RHOBTB3: variants seen among roughly 807,000 people sequenced by gnomAD.
RHOBTB3 encodes rho-related BTB domain-containing protein 3.
RHOBTB3 carries 47 observed loss-of-function variants against 67.2 expected under a neutral mutation model. That is an observed-to-expected ratio of 0.70 (90% confidence interval 0.55 to 0.89). The LOEUF (loss-of-function observed/expected upper bound fraction) is 0.89. Among genes scored for constraint, RHOBTB3 ranks in the 40% least tolerant of loss-of-function variants. The probability of loss-of-function intolerance (pLI) is 0.00; values close to 1 mark genes in which losing one functional copy is unlikely to be tolerated. For synonymous variants in RHOBTB3, 273 were observed against 274.2 expected, an observed-to-expected ratio of 1.00 and a Z score of 0.04; for missense variants, 631 against 750.0, an observed-to-expected ratio of 0.84 and a Z score of 1.85.
rs189278068 is a variant in RHOBTB3 at position 95,743,295 on chromosome 5, T to A, written c.416-5038T>A. ...TTTCCTTGTTGGATTGATGCCTTCC[T>A]CTTTCTCTGCCCAGCTGCTGTCTGG... is the stretch of plus-strand genomic sequence containing the variant. On this transcript the variant is annotated intron_variant, in intron 3 of 11. Coordinates refer to ENST00000379982, the MANE Select transcript of RHOBTB3 (RefSeq NM_014899.4). Among the ~76,000 whole-genome samples the A allele has an allele frequency of 1.5e-3, 234 of 152,278 alleles. 1 individual carries two copies. Among genetic ancestry groups the A allele is most frequent in the African/African-American group, 5.2e-3 (215 of 41,556 alleles).
intron 8 of RHOBTB3, among the ~76,000 whole-genome samples, chr5:95,772,968 G>T (rs1410206734): frequency 6.6e-6 from 1 of 152,138 alleles, no homozygotes. Flanking sequence ...TAATGAATTA[G>T]GGGTTGTCTC....
chr5:95,791,721 T>G (rs1746399571), intron 11 of RHOBTB3, among the ~76,000 whole-genome samples: 1 of 152,116 alleles, frequency 6.6e-6, no homozygotes. Context: ...TTCTTTTTTT[T>G]TTTTAGTAGA....
At chr5:95,733,145 G>A (rs1020585743) in intron 2 of RHOBTB3, among the ~76,000 whole-genome samples, 4 of 152,146 alleles carry the variant, frequency 2.6e-5, no homozygotes, top group Non-Finnish European at 5.9e-5. Flanking sequence ...TCACTCGCTC[G>A]TGTAAGTTTT....
In RHOBTB3 at chr5:95,788,778, G is replaced by A; in HGVS notation, c.1640G>A (p.Cys547Tyr). 1 of 1,588,854 alleles carries A rather than the reference G, an allele frequency of 6.3e-7. No individual in the cohort carries two copies. Among genetic ancestry groups the A allele is most frequent in the Non-Finnish European group, 8.5e-7 (1 of 1,170,226 alleles). Residue 547 changes from cysteine (C) to tyrosine (Y), a missense_variant, in exon 11 of 12, where the codon TGC (cysteine) becomes TAC (tyrosine). Coordinates refer to ENST00000379982, the MANE Select transcript of RHOBTB3 (RefSeq NM_014899.4). ...LKKAKFHHSDCLSTWLLHFIA... is the reference protein window; with the variant it reads ...LKKAKFHHSDYLSTWLLHFIA... ...TTCTTGCAGTTTCACCACTCTGATT[G>A]CCTTTCAACCTGGCTACTTCATTTC...
At chr5:95,785,046 A>G (rs1746181244) in intron 10 of RHOBTB3, among the ~76,000 whole-genome samples, 1 of 152,246 alleles carries the variant, frequency 6.6e-6, no homozygotes, top group South Asian at 2.1e-4. Flanking sequence ...TTACAAAAGC[A>G]TGACAACTTT....
intron 9 of RHOBTB3, among the ~76,000 whole-genome samples, chr5:95,783,158 A>C (rs756025120): frequency 3.3e-5 from 5 of 150,740 alleles, no homozygotes; most frequent in Non-Finnish European, 5.9e-5. Context: ...GTATTGCTCT[A>C]TTGCCCAGGC....
intron 1 of RHOBTB3, among the ~76,000 whole-genome samples, chr5:95,719,281 G>T (rs1754790248): frequency 6.6e-6 from 1 of 152,162 alleles, no homozygotes; most frequent in Non-Finnish European, 1.5e-5. Context: ...AATCTCAGAA[G>T]AACAGAAGTG....
rs1244342522 is a variant in RHOBTB3, at chr5:95,755,519, C to T, written c.806C>T (p.Ala269Val). The change falls in exon 6 of 12, where the codon GCC becomes GTC. Residue 269 changes from alanine (A) to valine (V), a missense_variant. Ala to Val is a moderately conservative substitution (Grantham distance 64, BLOSUM62 0). Transcript: ENST00000379982. ...YNPNLKKVVE[A>V]HKIVLCAVSH... Reference sequence around the variant, plus strand: ...CCCAATTTAAAGAAAGTTGTAGAGGCCCACAAGATCGTTCTCTGCGCTGTA... The same window carrying T: ...CCCAATTTAAAGAAAGTTGTAGAGGTCCACAAGATCGTTCTCTGCGCTGTA... 2 of 1,614,140 alleles carry T rather than the reference C, an allele frequency of 1.2e-6. No homozygotes were observed. The highest frequency in any genetic ancestry group is 1.1e-5 in the South Asian group (1 of 91,064).
intron 4 of RHOBTB3, among the ~76,000 whole-genome samples, chr5:95,750,668 A>G (rs72783464): frequency 0.034 from 5,109 of 152,210 alleles, 123 homozygotes; most frequent in East Asian, 0.097. Flanking sequence ...TGTGCAGGCC[A>G]TTTTCCTGGG....
At chr5:95,784,073 G>C (rs1206373147) in intron 10 of RHOBTB3, 110 bp downstream of exon 10, 2 of 920,568 alleles carry the variant, frequency 2.2e-6, no homozygotes, top group Non-Finnish European at 3.0e-6. Context: ...GTCTTAGTTT[G>C]GAAGTTTGGC....
chr5:95,718,023 ATAAT>A (rs1442397814), intron 1 of RHOBTB3, among the ~76,000 whole-genome samples: 5 of 152,250 alleles, frequency 3.3e-5, no homozygotes, highest in Admixed American at 1.3e-4. Flanking sequence ...TAAGTGGTAA[ATAAT>A]TTTCCAGGTG....
chr5:95,770,909 T>A (rs1012002495), intron 8 of RHOBTB3, among the ~76,000 whole-genome samples: 2 of 152,072 alleles, frequency 1.3e-5, no homozygotes, highest in African/African-American at 4.8e-5. Flanking sequence ...TGTCCATGCC[T>A]ACAAATAATT....
chr5:95,721,507 A>G (rs1042474848), intron 1 of RHOBTB3, among the ~76,000 whole-genome samples: 1 of 152,174 alleles, frequency 6.6e-6, no homozygotes, highest in African/African-American at 2.4e-5. Context: ...ATCTGGCTAA[A>G]TATAGCCAGG....
At chr5:95,738,483 G>A (rs1561439919) in intron 3 of RHOBTB3, among the ~76,000 whole-genome samples, 2 of 152,144 alleles carry the variant, frequency 1.3e-5, no homozygotes. Flanking sequence ...TAGGGCAAGA[G>A]GACTCTGCCC....
At chr5:95,728,410 T>C (rs1248958599), upstream of RHOBTB3, among the ~76,000 whole-genome samples, 1 of 152,248 alleles carries the variant, frequency 6.6e-6, no homozygotes, top group Non-Finnish European at 1.5e-5. Context: ...TAACCTCCTC[T>C]TCTTCCAAAT....
In RHOBTB3 at chr5:95,733,332, C is replaced by A. The variant is rs562189528; in HGVS notation, c.228+1248C>A. Among the ~76,000 whole-genome samples the A allele has an allele frequency of 2.0e-5, 3 of 152,260 alleles. No individual in the cohort carries two copies. In the East Asian group the frequency reaches 5.8e-4, roughly 29 times the overall value. On this transcript the variant is annotated intron_variant, in intron 2 of 11. Coordinates refer to ENST00000379982, the MANE Select transcript of RHOBTB3 (RefSeq NM_014899.4). Reference sequence around the variant, plus strand: ...ATGAAACACTTCTTTTACTTGGGATCTTTCGTTGTGAAAGATCTTACAGCC... The same window carrying A: ...ATGAAACACTTCTTTTACTTGGGATATTTCGTTGTGAAAGATCTTACAGCC...
At chr5:95,769,126 CT>C in intron 8 of RHOBTB3, 2 of 369,654 alleles carry the variant, frequency 5.4e-6, no homozygotes, top group Non-Finnish European at 1.1e-5. Flanking sequence ...AGGTGTCGAC[CT>C]TTTAGCCGAT....
chr5:95,756,031 AT>A, intron 6 of RHOBTB3: 1 of 374,048 alleles, frequency 2.7e-6, no homozygotes, highest in East Asian at 5.0e-5. Context: ...CATCTTAACC[AT>A]TTTTAAGAAC....
rs41276257 is a variant in RHOBTB3 at position 95,780,255 on chromosome 5, C to T, written c.1286C>T (p.Thr429Met). Residue 429 changes from threonine (T) to methionine (M), a missense_variant, in exon 9 of 12, where the codon ACG becomes ATG. Coordinates refer to ENST00000379982, the MANE Select transcript of RHOBTB3 (RefSeq NM_014899.4). ...GTTTCCCTTTTGAACCTTTCAGGTA[C>T]GACAGTGCCAGCCCACAGGGCCATC... is the stretch of plus-strand genomic sequence containing the variant. ...LADVVFEIQGTTVPAHRAILV... is the reference protein window; with the variant it reads ...LADVVFEIQGMTVPAHRAILV... 136,464 of 1,612,076 alleles carry T rather than the reference C, an allele frequency of 0.085. 6,469 individuals are homozygous for T. The highest frequency in any genetic ancestry group is 0.13 in the Middle Eastern group (781 of 6,052).
Sources: gnomAD v4.1 joint callset for allele counts (sites outside exome capture counted in the v4.1 genomes callset) on GRCh38, gnomAD v4.1.1 for gene constraint, MANE v1.5 for transcripts, NCBI Gene and HGNC (gene_info 2026-07-23, HGNC 2026-07-21) for gene names.